PREX1: variants seen among roughly 807,000 people sequenced by gnomAD.
The protein encoded by PREX1 is phosphatidylinositol-3,4,5-trisphosphate dependent Rac exchange factor 1, also known as phosphatidylinositol 3,4,5-trisphosphate-dependent Rac exchanger 1 protein.
Under a neutral mutation model 198.3 loss-of-function variants are expected in PREX1, and 41 were observed. The ratio of observed to expected loss-of-function variants is 0.21; its 90% CI spans 0.16 to 0.27. The LOEUF (loss-of-function observed/expected upper bound fraction) is 0.27, where lower values mean the gene tolerates loss of function less well. Ranked by LOEUF, PREX1 falls within the 10% of genes least tolerant of loss-of-function variation. The pLI, the probability that PREX1 is intolerant of heterozygous loss-of-function variation, is 1.00. For synonymous variants in PREX1, 843 were observed against 887.2 expected (o/e 0.95, Z 0.89); for missense variants, 1,620 against 2,200.7 (o/e 0.74, Z 5.28).
At chr20:48,748,087 G>A (rs951243272) in intron 1 of PREX1, among the ~76,000 whole-genome samples, 2 of 152,096 alleles carry the variant, frequency 1.3e-5, no homozygotes. Flanking sequence ...GTCACCAGGG[G>A]TGTGCTGTGC....
chr20:48,753,502 G>A (rs1024968274), intron 1 of PREX1, among the ~76,000 whole-genome samples: 6 of 152,054 alleles, frequency 3.9e-5, no homozygotes, highest in Non-Finnish European at 5.9e-5. Flanking sequence ...GGGATGCTGC[G>A]AAACACCCTA....
At chr20:48,821,433 G>T (rs750055765) in intron 1 of PREX1, among the ~76,000 whole-genome samples, 1 of 152,160 alleles carries the variant, frequency 6.6e-6, no homozygotes, top group African/African-American at 2.4e-5. Flanking sequence ...TCTCCGAAAC[G>T]CAGGGCAGGA....
chr20:48,636,687 G>A lies in PREX1; in HGVS notation c.3947-4C>T, dbSNP rs1355542340. On this transcript the variant is annotated splice_region_variant and splice_polypyrimidine_tract_variant and intron_variant, in intron 31 of 39. Transcript: ENST00000371941. ...CTGCGCAGCTGCAGCTCCGTGTCTGGGGGCAGAGGGCAGGAGGCCTTGCTG... is the reference window on the plus strand; with the variant it reads ...CTGCGCAGCTGCAGCTCCGTGTCTGAGGGCAGAGGGCAGGAGGCCTTGCTG... 6.3e-7 allele frequency: 1 copy of A among 1,596,066 alleles called. No individual in the cohort carries two copies. The highest frequency in any genetic ancestry group is 8.5e-7 in the Non-Finnish European group (1 of 1,171,774).
rs550089574 is a variant in PREX1, at chr20:48,752,828, T to C, written c.220-4948A>G. 2.0e-5 allele frequency among the ~76,000 whole-genome samples: 3 copies of C among 152,304 alleles called. No individual in the cohort carries two copies. In the South Asian group the frequency reaches 6.2e-4, roughly 32 times the overall value. ...TGGGGAATCCACAATAAGACAGACC[T>C]CAAGTTGTTCATTTCATTGCTTACT... On this transcript the variant is annotated intron_variant, in intron 1 of 39. Coordinates refer to ENST00000371941, the MANE Select transcript of PREX1 (RefSeq NM_020820.4).
the PREX1 span, among the ~76,000 whole-genome samples, chr20:48,859,727 C>T: frequency 6.6e-6 from 1 of 152,136 alleles, no homozygotes; most frequent in Non-Finnish European, 1.5e-5. Context: ...GAATGGAAAG[C>T]AAGGTCTTGA....
chr20:48,674,142 G>C (rs1465424429), intron 14 of PREX1, among the ~76,000 whole-genome samples: 1 of 152,174 alleles, frequency 6.6e-6, no homozygotes, highest in South Asian at 2.1e-4. Flanking sequence ...ATGCAAATTG[G>C]AATTCAAATC....
intron 5 of PREX1, among the ~76,000 whole-genome samples, chr20:48,712,161 A>C (rs1601091592): frequency 6.6e-6 from 1 of 152,198 alleles, no homozygotes; most frequent in East Asian, 1.9e-4. Context: ...GGCTCTGTTA[A>C]GCTTGGCCAT....
At chr20:48,759,981 G>A (rs144348749) in intron 1 of PREX1, among the ~76,000 whole-genome samples, 2,398 of 151,824 alleles carry the variant, frequency 0.016, 70 homozygotes, top group African/African-American at 0.053. Context: ...GTGTGGTGGC[G>A]CACACCTGTA....
In PREX1 at chr20:48,652,636, G is replaced by A. The variant is rs567754455; in HGVS notation, c.2417C>T (p.Thr806Ile). The change falls in exon 21 of 40, where the codon ACT becomes ATT. Residue 806 changes from threonine (T) to isoleucine (I), a missense_variant. This residue lies in a region of PREX1 where 514 missense variants were observed against 611.6 expected (regional missense o/e 0.84). Coordinates refer to ENST00000371941, the MANE Select transcript of PREX1 (RefSeq NM_020820.4). ...QEARASQEAS[T>I]EDPSGEQAQE... ...GGCCTGCTCGCCACTGGGGTCCTCA[G>A]TGGAGGCCTCCTGACTGGCTCGTGC... is the stretch of plus-strand genomic sequence containing the variant. The A allele has an allele frequency of 6.2e-7, 1 of 1,613,756 alleles. No homozygotes were observed. Among genetic ancestry groups the A allele is most frequent in the African/African-American group, 1.3e-5 (1 of 75,008 alleles).
intron 1 of PREX1, among the ~76,000 whole-genome samples, chr20:48,769,514 A>G (rs1016690250): frequency 1.3e-5 from 2 of 152,058 alleles, no homozygotes; most frequent in African/African-American, 4.8e-5. Flanking sequence ...AAAATCCTCC[A>G]ACAGAGGCTG....
Position 48,717,682 on chromosome 20 carries a change from T to C in PREX1, c.621+8608A>G, listed in dbSNP as rs566975246. Among the ~76,000 whole-genome samples the C allele has an allele frequency of 5.2e-4, 79 of 152,306 alleles. 1 individual carries two copies. Among genetic ancestry groups the C allele is most frequent in the African/African-American group, 1.9e-3 (78 of 41,568 alleles). On this transcript the variant is annotated intron_variant, in intron 5 of 39. Transcript: ENST00000371941. ...TTTAACAATTTCAGCCTCTGCTGCA[T>C]GTCTAGGAAAACTGTAGTCCCACCA...
chr20:48,731,676 T>C (rs1357060331), intron 4 of PREX1, among the ~76,000 whole-genome samples: 1 of 152,196 alleles, frequency 6.6e-6, no homozygotes, highest in Non-Finnish European at 1.5e-5. Flanking sequence ...TAATGTCCCA[T>C]AACAGACTCA....
intron 2 of PREX1, 93 bp downstream of exon 2, chr20:48,747,716 C>T (rs1480880406): frequency 1.5e-6 from 2 of 1,376,390 alleles, no homozygotes; most frequent in Non-Finnish European, 2.0e-6. Flanking sequence ...TGCGCCTCCC[C>T]CTGCATGCAC....
At chr20:48,864,257 T>C in the PREX1 span, among the ~76,000 whole-genome samples, 1 of 152,226 alleles carries the variant, frequency 6.6e-6, no homozygotes, top group Non-Finnish European at 1.5e-5. Flanking sequence ...CCTTCACTTA[T>C]TCCTCCAGTG....
chr20:48,659,877 G>T (rs747424026), intron 16 of PREX1, 42 bp downstream of exon 16: 54 of 1,612,048 alleles, frequency 3.3e-5, no homozygotes, highest in Non-Finnish European at 4.6e-5. Context: ...GCCTGCAGGG[G>T]GCTCTGGCAA....
intron 15 of PREX1, among the ~76,000 whole-genome samples, chr20:48,660,470 C>A (rs780114778): frequency 1.2e-4 from 18 of 149,402 alleles, no homozygotes; most frequent in Non-Finnish European, 2.5e-4. Flanking sequence ...GCATGGAAAA[C>A]TGACTTGCCC....
intron 7 of PREX1, among the ~76,000 whole-genome samples, chr20:48,698,246 T>A (rs1291097622): frequency 6.6e-6 from 1 of 152,084 alleles, no homozygotes; most frequent in Non-Finnish European, 1.5e-5. Context: ...AGTATCAGAA[T>A]CAGCTGCTGT....
intron 5 of PREX1, among the ~76,000 whole-genome samples, chr20:48,724,543 TAAATATTTTA>T (rs551945166): frequency 6.6e-5 from 10 of 152,310 alleles, no homozygotes; most frequent in Non-Finnish European, 1.5e-4. Flanking sequence ...GGCCAGATGG[TAAATATTTTA>T]GGCTCTGCTG....
intron 14 of PREX1, among the ~76,000 whole-genome samples, chr20:48,672,873 G>A (rs1213905121): frequency 6.6e-6 from 1 of 152,204 alleles, no homozygotes; most frequent in Non-Finnish European, 1.5e-5. Context: ...CAGCGGGCAT[G>A]TGATGTATTC....
Sources: gnomAD v4.1 joint callset for allele counts (sites outside exome capture counted in the v4.1 genomes callset) on GRCh38, gnomAD v4.1.1 for gene constraint, gnomAD v4.1.1 regional missense constraint, MANE v1.5 for transcripts, NCBI Gene and HGNC (gene_info 2026-07-23, HGNC 2026-07-21) for gene names.